Variants in NCAM2 observed in about 807,000 individuals in gnomAD.
The protein encoded by NCAM2 is N-CAM-2.
NCAM2 carries 30 observed loss-of-function variants against 98.1 expected under a neutral mutation model. The observed-to-expected ratio is 0.31, with a 90% CI of 0.23 to 0.41. The LOEUF (loss-of-function observed/expected upper bound fraction) is 0.41. Ranked by LOEUF, NCAM2 falls within the 10% of genes least tolerant of loss-of-function variation. The probability of loss-of-function intolerance (pLI) is 1.00; values close to 1 mark genes in which losing one functional copy is unlikely to be tolerated. For missense variants in NCAM2, 867 were observed against 1,005.8 expected, an observed-to-expected ratio of 0.86 and a Z score of 1.87; for synonymous variants, 368 against 342.4, an observed-to-expected ratio of 1.07 and a Z score of -0.83.
intron 1 of NCAM2, among the ~76,000 whole-genome samples, chr21:21,070,764 A>T (rs961787309): frequency 6.6e-6 from 1 of 152,222 alleles, no homozygotes; most frequent in Admixed American, 6.5e-5. Context: ...TGGATATTCA[A>T]ATAGCCTTTC....
chr21:21,172,707 A>T (rs981635467), intron 1 of NCAM2, among the ~76,000 whole-genome samples: 1 of 152,138 alleles, frequency 6.6e-6, no homozygotes, highest in Non-Finnish European at 1.5e-5. Context: ...CAGGCGATTC[A>T]TTAATACTTT....
intron 8 of NCAM2, among the ~76,000 whole-genome samples, chr21:21,355,116 T>C (rs948284056): frequency 2.0e-5 from 3 of 152,076 alleles, no homozygotes; most frequent in East Asian, 3.9e-4. Flanking sequence ...TTCCAATAAA[T>C]AGATGTATTA....
intron 1 of NCAM2, among the ~76,000 whole-genome samples, chr21:21,154,366 G>C (rs1412066375): frequency 6.6e-6 from 1 of 151,780 alleles, no homozygotes; most frequent in Non-Finnish European, 1.5e-5. Context: ...GAAGCATTTA[G>C]GGAAATGGAA....
At chr21:21,116,388 A>G (rs2066560119) in intron 1 of NCAM2, among the ~76,000 whole-genome samples, 1 of 152,176 alleles carries the variant, frequency 6.6e-6, no homozygotes, top group South Asian at 2.1e-4. Context: ...TAGTTTACAG[A>G]GAGTTAAATA....
At chr21:21,436,476 G>A (rs376377342) in intron 12 of NCAM2, among the ~76,000 whole-genome samples, 2 of 152,130 alleles carry the variant, frequency 1.3e-5, no homozygotes, top group Non-Finnish European at 2.9e-5. Context: ...ATGTTATATT[G>A]TATTGTGCAT....
At chr21:21,063,528 ATTC>A (rs2065368272) in intron 1 of NCAM2, among the ~76,000 whole-genome samples, 1 of 151,930 alleles carries the variant, frequency 6.6e-6, no homozygotes, top group South Asian at 2.1e-4. Context: ...GACACGTTAC[ATTC>A]TTAATGCCAA....
chr21:21,213,669 G>T (rs564058887), intron 1 of NCAM2, among the ~76,000 whole-genome samples: 24 of 152,226 alleles, frequency 1.6e-4, no homozygotes, highest in Non-Finnish European at 2.4e-4. Flanking sequence ...AACACATTCA[G>T]TTAGTATTCA....
chr21:21,117,146 T>C (rs2066579539), intron 1 of NCAM2, among the ~76,000 whole-genome samples: 1 of 152,242 alleles, frequency 6.6e-6, no homozygotes, highest in Non-Finnish European at 1.5e-5. Flanking sequence ...ACTCATGCTA[T>C]ATATTGGATC....
chr21:21,270,204 T>G (rs1433283142), intron 1 of NCAM2, among the ~76,000 whole-genome samples: 1 of 152,156 alleles, frequency 6.6e-6, no homozygotes, highest in Non-Finnish European at 1.5e-5. Flanking sequence ...GAAATAAACT[T>G]GGATTGGATG....
chr21:21,372,614 A>T (rs1254640266), intron 8 of NCAM2, among the ~76,000 whole-genome samples: 1 of 151,864 alleles, frequency 6.6e-6, no homozygotes, highest in Non-Finnish European at 1.5e-5. Flanking sequence ...AATGTCAGAA[A>T]CGAAAATAGA....
At chr21:21,143,259 T>G in intron 1 of NCAM2, among the ~76,000 whole-genome samples, 1 of 152,232 alleles carries the variant, frequency 6.6e-6, no homozygotes, top group East Asian at 1.9e-4. Context: ...TGTTTCTTTA[T>G]TATTTTCATT....
At chr21:21,295,335 C>A (rs232383) in intron 5 of NCAM2, among the ~76,000 whole-genome samples, 151,888 of 151,888 alleles carry the variant, frequency 1, 75,944 homozygotes, top group Non-Finnish European at 1. Flanking sequence ...CTTATTACTT[C>A]CTTTATTTTT....
chr21:21,339,221 A>T (rs1052806583), intron 8 of NCAM2, among the ~76,000 whole-genome samples: 3 of 152,052 alleles, frequency 2.0e-5, no homozygotes, highest in African/African-American at 7.2e-5. Flanking sequence ...CCAATGCTTT[A>T]CCCTTTAGAA....
chr21:21,428,370 C>T (rs1395059730), intron 11 of NCAM2, among the ~76,000 whole-genome samples: 2 of 151,968 alleles, frequency 1.3e-5, no homozygotes, highest in African/African-American at 4.8e-5. Context: ...TTGCATACAC[C>T]CAGTGCATTA....
intron 10 of NCAM2, among the ~76,000 whole-genome samples, chr21:21,415,645 T>A (rs62207442): frequency 0.072 from 10,947 of 152,208 alleles, 434 homozygotes; most frequent in East Asian, 0.15. Flanking sequence ...CTTAGCTTGA[T>A]CTTCTGGATA....
chr21:21,016,088 A>T (rs1017925818), intron 1 of NCAM2, among the ~76,000 whole-genome samples: 1 of 152,154 alleles, frequency 6.6e-6, no homozygotes, highest in African/African-American at 2.4e-5. Flanking sequence ...CTCAATACTC[A>T]TTGGCTATAA....
intron 6 of NCAM2, among the ~76,000 whole-genome samples, chr21:21,329,695 T>TTTC (rs34140319): frequency 0.041 from 6,302 of 152,248 alleles, 237 homozygotes; most frequent in East Asian, 0.19. Flanking sequence ...TAGTGAAGTA[T>TTTC]TTCTTCCTCT....
chr21:21,487,790 A>G (rs1012681322), intron 15 of NCAM2, among the ~76,000 whole-genome samples: 1 of 152,242 alleles, frequency 6.6e-6, no homozygotes, highest in Middle Eastern at 3.4e-3. Context: ...AAGACCCACA[A>G]GTACCATGTT....
At chr21:21,514,320 A>G (rs1332873560) in intron 16 of NCAM2, among the ~76,000 whole-genome samples, 1 of 151,726 alleles carries the variant, frequency 6.6e-6, no homozygotes, top group East Asian at 1.9e-4. Context: ...TACTAAAAAT[A>G]CAAACATTAG....
Sources: allele counts gnomAD v4.1 joint callset (sites outside exome capture counted in the v4.1 genomes callset), GRCh38; gene constraint gnomAD v4.1.1; transcripts MANE v1.5; gene names NCBI Gene and HGNC (gene_info 2026-07-23, HGNC 2026-07-21).